SPDYE5: variants seen among roughly 807,000 people sequenced by gnomAD.
SPDYE5 encodes the protein speedy protein E5.
A neutral mutation model predicts 48.5 loss-of-function variants in SPDYE5; 15 were observed. The observed-to-expected ratio is 0.31, with a 90% CI of 0.21 to 0.48. SPDYE5 has a LOEUF of 0.48. SPDYE5 is among the 20% of genes least tolerant of loss of function. SPDYE5 has a pLI of 0.99. For synonymous variants in SPDYE5, 116 were observed against 200.7 expected (o/e 0.58, Z 3.57); for missense variants, 331 against 549.1 (o/e 0.60, Z 3.97).
chr7:75,501,202 C>G (rs1336563924), intron 6 of SPDYE5, among the ~76,000 whole-genome samples, 160 bp from the exon 7 acceptor site: 2 of 151,996 alleles, frequency 1.3e-5, no homozygotes, highest in Non-Finnish European at 2.9e-5. Context: ...GATCAGGTCT[C>G]TGTCCAGCAG....
chr7:75,494,528 A>AG (rs1792854370), intron 2 of SPDYE5, among the ~76,000 whole-genome samples: 1 of 150,098 alleles, frequency 6.7e-6, no homozygotes, highest in Non-Finnish European at 1.5e-5. Context: ...AAAAAAAAAA[A>AG]AAAAGAAAAG....
rs2116593072 is a variant in SPDYE5 at position 75,493,881 on chromosome 7, A to T, written c.-167A>T. The T allele has an allele frequency of 3.5e-6, 5 of 1,448,340 alleles. No homozygotes were observed. Among genetic ancestry groups the T allele is most frequent in the African/African-American group, 1.4e-5 (1 of 70,154 alleles). The allele number at this position is 1,448,340 out of a possible 1,614,324, so 89.7% of individuals were successfully genotyped here. On this transcript the variant is annotated 5_prime_UTR_variant, in exon 2 of 9. The change abolishes the stop of an existing upstream ORF in the 5' untranslated region. Coordinates refer to ENST00000625065, the MANE Select transcript of SPDYE5 (RefSeq NM_001306141.4). ...GGTTGCCAGGTTGGCATGAGCGATGACATCAGAGATTCCGACCATCCTGAT... is the reference window on the plus strand; with the variant it reads ...GGTTGCCAGGTTGGCATGAGCGATGTCATCAGAGATTCCGACCATCCTGAT...
Position 75,495,278 on chromosome 7 carries a change from G to T in SPDYE5, c.283G>T (p.Val95Leu), listed in dbSNP as rs1792882634. The stretch of plus-strand genomic sequence containing the variant: ...CGCCCCTGAACCTGAGGAGACCTGG[G>T]TAGTGGAGATGCTGTGTGGGCTCAA... Reference protein sequence around the residue: ...ELAPEPEETWVVEMLCGLKMK... With the variant: ...ELAPEPEETWLVEMLCGLKMK... Residue 95 changes from valine (V) to leucine (L), a missense_variant, in exon 3 of 9, where the codon GTA (valine) becomes TTA (leucine). Around this residue, in one of 8 missense-constraint regions of SPDYE5, gnomAD observed 65 missense variants for 138.2 expected, o/e 0.47. Coordinates refer to ENST00000625065, the MANE Select transcript of SPDYE5 (RefSeq NM_001306141.4). The T allele has an allele frequency of 6.4e-7, 1 of 1,571,842 alleles. No homozygotes were observed. The highest frequency in any genetic ancestry group is 8.6e-7 in the Non-Finnish European group (1 of 1,167,556).
At position 75,503,925 on chromosome 7, in the gene SPDYE5, C is replaced by T. The variant is rs1181443561; in HGVS notation, c.*1138C>T. 14 of 151,550 alleles carry T rather than the reference C, an allele frequency of 9.2e-5. No homozygotes were observed. Among genetic ancestry groups the T allele is most frequent in the East Asian group, 5.8e-4 (3 of 5,188 alleles). 9.4% of individuals were successfully genotyped at this position (151,550 alleles called of 1,614,324 possible). A position where few individuals can be genotyped will look rare whatever the true frequency, so the allele number is the denominator to read the frequency against. ...GTGTTATAACTGTTATATACACATA[C>T]GTATAATTTTGCTTTCCTTTTTAAG... On this transcript the variant is annotated 3_prime_UTR_variant, in exon 9 of 9. Coordinates refer to ENST00000625065, the MANE Select transcript of SPDYE5 (RefSeq NM_001306141.4).
intron 8 of SPDYE5, among the ~76,000 whole-genome samples, chr7:75,502,349 C>A (rs1793190089): frequency 6.6e-6 from 1 of 151,514 alleles, no homozygotes; most frequent in Admixed American, 6.6e-5. Context: ...TTCAGTGAAG[C>A]TTTGGTTTAC....
At chr7:75,491,817 A>C (rs1792746785), upstream of SPDYE5, among the ~76,000 whole-genome samples, 1 of 143,442 alleles carries the variant, frequency 7.0e-6, no homozygotes, top group African/African-American at 2.6e-5. Flanking sequence ...GGTTCAAGCG[A>C]TTCTCCTGCC....
intron 3 of SPDYE5, 116 bp downstream of exon 3, chr7:75,495,490 G>T: frequency 6.5e-7 from 1 of 1,540,772 alleles, no homozygotes; most frequent in Non-Finnish European, 8.7e-7. Flanking sequence ...AGCTCTCCAC[G>T]CAGGAGGACT....
intron 1 of SPDYE5, 21 bp from the exon 2 acceptor site, chr7:75,493,606 C>T: frequency 4.0e-6 from 5 of 1,246,416 alleles, no homozygotes; most frequent in Non-Finnish European, 5.0e-6. Flanking sequence ...TTCTTTCCCA[C>T]TCTGTTCCCT....
chr7:75,499,338 A>C (rs1554483089), intron 6 of SPDYE5, 22 bp downstream of exon 6: 1 of 1,541,442 alleles, frequency 6.5e-7, no homozygotes, highest in South Asian at 1.1e-5. Flanking sequence ...GCTGCCTCCT[A>C]TCCATCAATA....
chr7:75,491,870 G>A (rs587638023), upstream of SPDYE5, among the ~76,000 whole-genome samples: 3,130 of 151,620 alleles, frequency 0.021, 57 homozygotes, highest in Non-Finnish European at 0.031. Flanking sequence ...GCACCCCCAC[G>A]CCCAGCTCAT....
rs1363158883 is a variant in SPDYE5 at position 75,504,155 on chromosome 7, G to A, written c.*1368G>A. The A allele has an allele frequency of 1.4e-4, 21 of 151,594 alleles. No homozygotes were observed. In the East Asian group the frequency reaches 2.1e-3, roughly 15 times the overall value. 9.4% of individuals were successfully genotyped at this position (151,594 alleles called of 1,614,324 possible). On this transcript the variant is annotated 3_prime_UTR_variant, in exon 9 of 9. Coordinates refer to ENST00000625065, the MANE Select transcript of SPDYE5 (RefSeq NM_001306141.4). ...ATATGTTTGAAATGTGAGAATTCAGGTGTAATTTTTTACCTTGTTTTGGCA... is the reference window on the plus strand; with the variant it reads ...ATATGTTTGAAATGTGAGAATTCAGATGTAATTTTTTACCTTGTTTTGGCA...
chr7:75,494,085 A>T lies in SPDYE5; in HGVS notation c.38A>T (p.Gln13Leu). The T allele has an allele frequency of 3.5e-5, 53 of 1,534,778 alleles. No individual in the cohort carries two copies. Among genetic ancestry groups the T allele is most frequent in the Non-Finnish European group, 4.6e-5 (53 of 1,146,722 alleles). The change falls in exon 2 of 9, where the codon CAG becomes CTG. Residue 13 changes from glutamine (Q) to leucine (L), a missense_variant. Transcript: ENST00000625065. ...GAGACTAGGTTCCGTAAGAGGGGAC[A>T]GATTACGGAAAAGATCACGACCAGC... ...RTETRFRKRG[Q>L]ITEKITTSRQ...
chr7:75,501,734 T>A lies in SPDYE5; in HGVS notation c.1128T>A (p.Val376=). ...FFCSMSGRAW[V]SPEELEEIQA... ...GTTCCATGAGCGGCAGGGCTTGGGT[T>A]TCCCCGGAGGAGTTGGAGGAGGTAG... The change falls in exon 7 of 9, where the codon GTT becomes GTA. Residue 376 remains valine (V), a synonymous_variant. Transcript: ENST00000625065. The A allele has an allele frequency of 6.2e-7, 1 of 1,610,322 alleles. No homozygotes were observed. Among genetic ancestry groups the A allele is most frequent in the Non-Finnish European group, 8.5e-7 (1 of 1,179,902 alleles).
intron 2 of SPDYE5, among the ~76,000 whole-genome samples, chr7:75,494,476 G>A (rs1168477683): frequency 1.1e-4 from 16 of 149,134 alleles, no homozygotes; most frequent in African/African-American, 4.0e-4. Context: ...GAGACTGGGA[G>A]GAAGAGGTTG....
intron 2 of SPDYE5, among the ~76,000 whole-genome samples, 167 bp downstream of exon 2, chr7:75,494,374 T>C (rs3960576): frequency 1.1e-4 from 16 of 151,318 alleles, no homozygotes; most frequent in Non-Finnish European, 4.4e-5. Context: ...GGTGAAACCC[T>C]ATCTCTACTA....
At position 75,496,799 on chromosome 7, in the gene SPDYE5, G is replaced by C. The variant is rs1316740997; in HGVS notation, c.505G>C (p.Glu169Gln). Reference sequence around the variant, plus strand: ...GAAGGTGCTCGCCCCTGAGCCTGAGGAGATCTGGGTGGCGGAGATGCTGTG... The same window carrying C: ...GAAGGTGCTCGCCCCTGAGCCTGAGCAGATCTGGGTGGCGGAGATGCTGTG... ...PRKVLAPEPE[E>Q]IWVAEMLCGL... is the part of the protein sequence containing the mutation. Residue 169 changes from glutamate to glutamine, a missense_variant, in exon 4 of 9, where the codon GAG becomes CAG. Glu to Gln is a conservative substitution (Grantham distance 29). Transcript: ENST00000625065. 1 of 1,552,002 alleles carries C rather than the reference G, an allele frequency of 6.4e-7. No homozygotes were observed. The highest frequency in any genetic ancestry group is 8.6e-7 in the Non-Finnish European group (1 of 1,156,126).
At chr7:75,494,323 A>C in intron 2 of SPDYE5, 116 bp downstream of exon 2, 1 of 1,411,076 alleles carries the variant, frequency 7.1e-7, no homozygotes, top group Non-Finnish European at 9.4e-7. Flanking sequence ...AGGCGGGCGG[A>C]TCACCTGAGG....
Position 75,492,324 on chromosome 7 carries a change from A to G in SPDYE5, c.-539A>G, listed in dbSNP as rs1380972168. Among the ~76,000 whole-genome samples, 2 of 152,114 alleles carry G rather than the reference A, an allele frequency of 1.3e-5. No individual in the cohort carries two copies. The highest frequency in any genetic ancestry group is 2.9e-5 in the Non-Finnish European group (2 of 68,026). On this transcript the variant is annotated 5_prime_UTR_variant, in exon 1 of 9. An upstream start codon of the reference 5' UTR is lost. Transcript: ENST00000625065. ...TCCAGAAAAGCAGAGCTTCCTAACA[A>G]TGGGACTTCCACAGCAATGGGATCT...
At chr7:75,496,102 C>T (rs1792918102) in intron 3 of SPDYE5, among the ~76,000 whole-genome samples, 1 of 149,562 alleles carries the variant, frequency 6.7e-6, no homozygotes, top group Non-Finnish European at 1.5e-5. Context: ...AATGGAGGTA[C>T]TGAGGCAGGG....
Sources: gnomAD v4.1 joint callset for allele counts (sites outside exome capture counted in the v4.1 genomes callset) on GRCh38, gnomAD v4.1.1 for gene constraint, gnomAD v4.1.1 regional missense constraint, MANE v1.5 for transcripts, NCBI Gene and HGNC (gene_info 2026-07-23, HGNC 2026-07-21) for gene names.